The following NLK variants were observed in gnomAD, a reference collection of about 807,000 sequenced individuals.
The protein encoded by NLK is nemo like kinase.
A neutral mutation model predicts 59.0 loss-of-function variants in NLK; 11 were observed. The ratio of observed to expected loss-of-function variants is 0.19; its 90% CI spans 0.12 to 0.31. NLK has a LOEUF of 0.31. Ranked by LOEUF, NLK falls within the 10% of genes least tolerant of loss-of-function variation. NLK has a pLI of 1.00. For synonymous variants in NLK, 235 were observed against 235.9 expected, an observed-to-expected ratio of 1.00 and a Z score of 0.03; for missense variants, 410 against 661.1, an observed-to-expected ratio of 0.62 and a Z score of 4.16.
At chr17:28,117,748 T>C (rs1383016939) in intron 1 of NLK, among the ~76,000 whole-genome samples, 1 of 152,192 alleles carries the variant, frequency 6.6e-6, no homozygotes, top group Non-Finnish European at 1.5e-5. Context: ...CTCTTTCTTA[T>C]GCATACAGCT....
downstream of NLK, among the ~76,000 whole-genome samples, chr17:28,201,185 A>G (rs1026589908): frequency 6.6e-6 from 1 of 152,048 alleles, no homozygotes; most frequent in Non-Finnish European, 1.5e-5. Flanking sequence ...GGGTCAAGCA[A>G]TTCTCATGCC....
intron 1 of NLK, among the ~76,000 whole-genome samples, chr17:28,073,170 AT>A (rs1188656203): frequency 6.6e-6 from 1 of 152,034 alleles, no homozygotes; most frequent in Non-Finnish European, 1.5e-5. Context: ...GTGGAGACAT[AT>A]TTCTGTTTTA....
At chr17:28,181,204 G>A (rs1387742096) in intron 7 of NLK, among the ~76,000 whole-genome samples, 2 of 152,216 alleles carry the variant, frequency 1.3e-5, no homozygotes, top group Non-Finnish European at 2.9e-5. Context: ...TTCGAAACCA[G>A]CCTGGGCAAC....
chr17:28,168,370 C>A (rs1001128983), intron 5 of NLK, 78 bp from the exon 6 acceptor site: 1 of 1,050,598 alleles, frequency 9.5e-7, no homozygotes, highest in Non-Finnish European at 1.5e-6. Flanking sequence ...GTTCAGTGCC[C>A]TATCAAAATT....
intron 3 of NLK, among the ~76,000 whole-genome samples, chr17:28,137,012 C>G (rs1261095575): frequency 1.4e-5 from 2 of 146,916 alleles, no homozygotes; most frequent in Non-Finnish European, 3.0e-5. Context: ...AAATAAAAAA[C>G]CTATTACCTA....
intron 1 of NLK, among the ~76,000 whole-genome samples, chr17:28,047,362 T>C (rs1909095086): frequency 6.6e-6 from 1 of 152,164 alleles, no homozygotes; most frequent in Non-Finnish European, 1.5e-5. Flanking sequence ...AGTTGTACTG[T>C]ATGTCAGGGA....
chr17:28,065,324 G>C (rs532826791), intron 1 of NLK, among the ~76,000 whole-genome samples: 3 of 152,098 alleles, frequency 2.0e-5, no homozygotes. Context: ...GATGACAGGG[G>C]ATGAGGGAGA....
At chr17:28,145,497 C>T (rs2142033281) in intron 3 of NLK, among the ~76,000 whole-genome samples, 1 of 152,194 alleles carries the variant, frequency 6.6e-6, no homozygotes, top group Non-Finnish European at 1.5e-5. Context: ...CTGTAGAAAA[C>T]CTTTCTTGGT....
At chr17:28,118,638 A>C (rs1473696674) in intron 1 of NLK, among the ~76,000 whole-genome samples, 2 of 152,204 alleles carry the variant, frequency 1.3e-5, no homozygotes, top group African/African-American at 4.8e-5. Context: ...GGGATTAAGA[A>C]AACTCAACAA....
chr17:28,069,962 A>G (rs973354135), intron 1 of NLK, among the ~76,000 whole-genome samples: 4 of 152,074 alleles, frequency 2.6e-5, no homozygotes, highest in Non-Finnish European at 5.9e-5. Flanking sequence ...CTAGCTGGGC[A>G]TGGTGTTTCG....
chr17:28,157,457 T>G (rs944523402), intron 3 of NLK, among the ~76,000 whole-genome samples: 6 of 151,936 alleles, frequency 3.9e-5, no homozygotes, highest in Non-Finnish European at 8.8e-5. Flanking sequence ...TCCCAAAGTG[T>G]TGGGATTACA....
At chr17:28,190,868 C>G (rs1909281608) in intron 8 of NLK, 153 bp from the exon 9 acceptor site, 1 of 552,582 alleles carries the variant, frequency 1.8e-6, no homozygotes, top group South Asian at 2.9e-5. Flanking sequence ...TGCTATGTTA[C>G]CCACCTCTAA....
chr17:28,132,295 T>C (rs1261161290), intron 2 of NLK, among the ~76,000 whole-genome samples: 1 of 152,230 alleles, frequency 6.6e-6, no homozygotes, highest in Non-Finnish European at 1.5e-5. Flanking sequence ...GAATGAATGA[T>C]AGATGTGGCT....
chr17:28,065,411 G>T (rs1046329668), intron 1 of NLK, among the ~76,000 whole-genome samples: 1 of 152,162 alleles, frequency 6.6e-6, no homozygotes, highest in East Asian at 1.9e-4. Flanking sequence ...ACCTGGAATT[G>T]GTTCATTATG....
chr17:28,056,700 A>G (rs1477885598), intron 1 of NLK, among the ~76,000 whole-genome samples: 1 of 152,192 alleles, frequency 6.6e-6, no homozygotes, highest in Non-Finnish European at 1.5e-5. Flanking sequence ...TAAGTTGTAT[A>G]TCTATTTTGA....
At chr17:28,116,400 G>T in intron 1 of NLK, 2 of 188,604 alleles carry the variant, frequency 1.1e-5, no homozygotes, top group South Asian at 2.2e-4. Flanking sequence ...AGCTGCTGGT[G>T]ACCCATCTTG....
chr17:28,132,288 T>TG (rs1217656265), intron 2 of NLK, among the ~76,000 whole-genome samples: 1 of 152,228 alleles, frequency 6.6e-6, no homozygotes, highest in Non-Finnish European at 1.5e-5. Context: ...AATAAAGGAA[T>TG]GAATGATAGA....
intron 4 of NLK, among the ~76,000 whole-genome samples, chr17:28,162,693 A>G (rs1347713898): frequency 6.6e-6 from 1 of 152,180 alleles, no homozygotes; most frequent in Non-Finnish European, 1.5e-5. Flanking sequence ...GTAGGGGAAA[A>G]TGGGGAAGAT....
chr17:28,175,290 AC>A (rs1192956633), intron 7 of NLK, among the ~76,000 whole-genome samples: 1 of 151,194 alleles, frequency 6.6e-6, no homozygotes, highest in Non-Finnish European at 1.5e-5. Context: ...CTAAAAAAAT[AC>A]AAAAAAAAAA....
Sources: allele counts gnomAD v4.1 joint callset (sites outside exome capture counted in the v4.1 genomes callset), GRCh38; gene constraint gnomAD v4.1.1; transcripts MANE v1.5; gene names NCBI Gene and HGNC (gene_info 2026-07-23, HGNC 2026-07-21).